The following TMTC4 variants were observed in gnomAD, a reference collection of about 807,000 sequenced individuals.
TMTC4 encodes the protein transmembrane O-mannosyltransferase targeting cadherins 4.
In TMTC4, 65 loss-of-function variants were observed where a neutral mutation model predicts 86.0. That is an observed-to-expected ratio of 0.76 (90% CI 0.62 to 0.93). The LOEUF is 0.93. TMTC4 is among the 40% of genes least tolerant of loss of function. The pLI is 0.00. For missense variants in TMTC4, 866 were observed against 948.1 expected, an observed-to-expected ratio of 0.91 and a Z score of 1.14; for synonymous variants, 379 against 382.5, an observed-to-expected ratio of 0.99 and a Z score of 0.11.
chr13:100,667,401 C>T (rs988712805), intron 3 of TMTC4, among the ~76,000 whole-genome samples: 1 of 152,008 alleles, frequency 6.6e-6, no homozygotes, highest in Non-Finnish European at 1.5e-5. Flanking sequence ...TGTGCTCCAG[C>T]CTGGGCAACA....
chr13:100,644,470 C>T (rs542403902), intron 6 of TMTC4, among the ~76,000 whole-genome samples: 3 of 152,098 alleles, frequency 2.0e-5, no homozygotes, highest in Non-Finnish European at 4.4e-5. Context: ...GAAGGCCTGT[C>T]CCCAGCTGGG....
intron 3 of TMTC4, among the ~76,000 whole-genome samples, chr13:100,665,074 A>G (rs1393488845): frequency 6.6e-5 from 10 of 152,216 alleles, no homozygotes; most frequent in African/African-American, 2.4e-4. Context: ...AAATCAGAAA[A>G]AAAACCTTAA....
At chr13:100,660,000 A>T (rs1000428935) in intron 5 of TMTC4, among the ~76,000 whole-genome samples, 5 of 150,592 alleles carry the variant, frequency 3.3e-5, no homozygotes, top group African/African-American at 1.2e-4. Flanking sequence ...AGAGTGGTAA[A>T]GACCTAAAAC....
chr13:100,630,014 C>G (rs1255801145), intron 12 of TMTC4, among the ~76,000 whole-genome samples: 2 of 138,070 alleles, frequency 1.4e-5, no homozygotes, highest in African/African-American at 5.4e-5. Context: ...TCTAAGCCAC[C>G]CAATCTGTGT....
At chr13:100,648,329 G>GA (rs71200710) in intron 6 of TMTC4, among the ~76,000 whole-genome samples, 18 of 147,994 alleles carry the variant, frequency 1.2e-4, no homozygotes, top group African/African-American at 3.5e-4. Flanking sequence ...AGCTTAGTAT[G>GA]AAAAAAAAAA....
intron 15 of TMTC4, among the ~76,000 whole-genome samples, chr13:100,623,294 G>A (rs947196446): frequency 5.9e-5 from 9 of 152,278 alleles, no homozygotes; most frequent in South Asian, 2.1e-4. Flanking sequence ...GTGCAGTGCC[G>A]CAATCTTGGC....
rs946838 is a variant in TMTC4, at chr13:100,635,111, T to C, written c.1287A>G (p.Ala429=). 1,386,706 of 1,613,840 alleles carry C rather than the reference T, an allele frequency of 0.86. 597,771 individuals carry two copies. The highest frequency in any genetic ancestry group is 0.99 in the East Asian group (44,440 of 44,868). ...NLFFRVGFVV[A]ERVLYLPSVG... ...CGCTGGGGAGGTAGAGGACACGCTC[T>C]GCGACCACGAAGCCCACTCGGAAGA... Residue 429 remains alanine (A), a synonymous_variant, in exon 11 of 19, where the codon GCA becomes GCG. Transcript: ENST00000342624.
intron 6 of TMTC4, among the ~76,000 whole-genome samples, chr13:100,644,645 T>C (rs1883482677): frequency 6.6e-6 from 1 of 152,186 alleles, no homozygotes; most frequent in Admixed American, 6.5e-5. Flanking sequence ...GGAGAATCTC[T>C]GCGTATCAAA....
At chr13:100,633,999 G>GT (rs1338519035) in intron 12 of TMTC4, among the ~76,000 whole-genome samples, 2 of 152,080 alleles carry the variant, frequency 1.3e-5, no homozygotes, top group Non-Finnish European at 2.9e-5. Flanking sequence ...AATTAGCTGG[G>GT]TGTGGTAGCA....
At chr13:100,662,588 A>G (rs1885912253) in intron 5 of TMTC4, among the ~76,000 whole-genome samples, 1 of 152,168 alleles carries the variant, frequency 6.6e-6, no homozygotes. Flanking sequence ...AACAGTTCTT[A>G]GCCTCTGAAC....
At chr13:100,607,516 C>CA (rs35106656) in intron 17 of TMTC4, among the ~76,000 whole-genome samples, 1,726 of 125,880 alleles carry the variant, frequency 0.014, 49 homozygotes, top group African/African-American at 0.042. Context: ...GACTCTGTCT[C>CA]AAAAAAAAAA....
In TMTC4 at chr13:100,605,224, T is replaced by C; in HGVS notation, c.2135-82A>G. The C allele has an allele frequency of 6.8e-7, 1 of 1,465,186 alleles. No homozygotes were observed. The highest frequency in any genetic ancestry group is 2.3e-5 in the East Asian group (1 of 42,764). The allele number at this position is 1,465,186 out of a possible 1,614,324, so 90.8% of individuals were successfully genotyped here. A position where few individuals can be genotyped will look rare whatever the true frequency, so the allele number is the denominator to read the frequency against. Reference sequence around the variant, plus strand: ...CCTACCCTCTTGGACAAAGAAATATTACAGATCCTATGCAAACAGTTTTCA... The same window carrying C: ...CCTACCCTCTTGGACAAAGAAATATCACAGATCCTATGCAAACAGTTTTCA... On this transcript the variant is annotated intron_variant, in intron 18 of 18. Coordinates refer to ENST00000342624, the MANE Select transcript of TMTC4 (RefSeq NM_032813.5). This position sits in a 1 kb window ranked among gnomAD's most constrained non-coding sequence, Gnocchi z 4.3.
Position 100,656,436 on chromosome 13 carries a change from C to G in TMTC4, c.585G>C (p.Leu195=). Residue 195 remains leucine, a synonymous_variant, in exon 6 of 19, where the codon CTG becomes CTC. Transcript: ENST00000342624. ...VAGVVGRADL[L]CALFFLLSFL... ...AAGATAACAAGAAGAACAGGGCACA[C>G]AGGAGGTCTGCACGGCCGACAACAC... 6.2e-7 allele frequency: 1 copy of G among 1,612,318 alleles called. No homozygotes were observed. The highest frequency in any genetic ancestry group is 8.5e-7 in the Non-Finnish European group (1 of 1,179,446).
At chr13:100,612,295 T>G in intron 17 of TMTC4, 103 bp downstream of exon 17, 1 of 882,508 alleles carries the variant, frequency 1.1e-6, no homozygotes, top group South Asian at 1.8e-5. Context: ...CCACTGCCAC[T>G]GTTTTGGCCT....
chr13:100,618,599 C>G (rs1055851782), intron 15 of TMTC4, among the ~76,000 whole-genome samples: 2 of 151,584 alleles, frequency 1.3e-5, no homozygotes, highest in Non-Finnish European at 2.9e-5. Flanking sequence ...AACAAGTGAA[C>G]AAAGGTCTCT....
intron 6 of TMTC4, among the ~76,000 whole-genome samples, chr13:100,643,245 C>G (rs974763257): frequency 6.6e-6 from 1 of 152,194 alleles, no homozygotes; most frequent in Non-Finnish European, 1.5e-5. Context: ...CAAAAGCGAA[C>G]CTTCTTGGAG....
At chr13:100,674,581 C>T (rs949396218) in intron 1 of TMTC4, 163 bp downstream of exon 1, 12 of 982,396 alleles carry the variant, frequency 1.2e-5, no homozygotes, top group Non-Finnish European at 1.3e-5. Context: ...GCCCGGGCCG[C>T]AGCTCAGGTC....
intron 6 of TMTC4, 88 bp downstream of exon 6, chr13:100,656,293 T>C (rs1594353294): frequency 2.6e-6 from 3 of 1,146,338 alleles, no homozygotes; most frequent in East Asian, 2.4e-5. Flanking sequence ...CTCACATAGA[T>C]GGATTCTTTC....
In TMTC4 at chr13:100,663,088, T is replaced by A. The variant is rs756635678; in HGVS notation, c.428A>T (p.Asp143Val). The A allele has an allele frequency of 6.2e-7, 1 of 1,614,064 alleles. No individual in the cohort carries two copies. The highest frequency in any genetic ancestry group is 8.5e-7 in the Non-Finnish European group (1 of 1,180,016). Residue 143 changes from aspartate to valine, a missense_variant, in exon 5 of 19, where the codon GAC becomes GTC. Coordinates refer to ENST00000342624, the MANE Select transcript of TMTC4 (RefSeq NM_032813.5). ...LHSGISVLMVDVFSVLFGGLQ... is the reference protein window; with the variant it reads ...LHSGISVLMVVVFSVLFGGLQ... ...GCCGCCAAACAGAACCGAGAAGACGTCCACCATGAGGACAGAGATGCCACT... is the reference window on the plus strand; with the variant it reads ...GCCGCCAAACAGAACCGAGAAGACGACCACCATGAGGACAGAGATGCCACT...
Sources: gnomAD v4.1 joint callset for allele counts (sites outside exome capture counted in the v4.1 genomes callset) on GRCh38, gnomAD v4.1.1 for gene constraint, Gnocchi (gnomAD v3.1) non-coding constraint, MANE v1.5 for transcripts, NCBI Gene and HGNC (gene_info 2026-07-23, HGNC 2026-07-21) for gene names.